The following COBLL1 variants were observed in gnomAD, a reference collection of about 807,000 sequenced individuals.
COBLL1 encodes cordon-bleu protein-like 1.
COBLL1 carries 50 observed loss-of-function variants against 94.8 expected under a neutral mutation model. The observed-to-expected ratio is 0.53, with a 90% CI of 0.42 to 0.67. The LOEUF is 0.67. Ranked by LOEUF, COBLL1 falls within the 30% of genes least tolerant of loss-of-function variation. COBLL1 has a pLI of 0.00. For synonymous variants in COBLL1, 448 were observed against 473.8 expected (o/e 0.95, Z 0.71); for missense variants, 1,362 against 1,348.7 (o/e 1.01, Z -0.15).
Position 164,819,989 on chromosome 2 carries a change from CTT to C in COBLL1, c.41+21165_41+21166del, listed in dbSNP as rs143956749. 4.1e-3 allele frequency among the ~76,000 whole-genome samples: 561 copies of C among 137,860 alleles called. 2 individuals are homozygous for C. Among genetic ancestry groups the C allele is most frequent in the Middle Eastern group, 0.015 (4 of 262 alleles). The allele number at this position is 137,860 out of a possible 152,430, so 90.4% of individuals were successfully genotyped here. A position where few individuals can be genotyped will look rare whatever the true frequency, so the allele number is the denominator to read the frequency against. ...TACAGGCATCTGCCACCATACCTGGCTTTTTTTTTTTTTTTTTAATTTTTAGT... is the reference window on the plus strand; with the variant it reads ...TACAGGCATCTGCCACCATACCTGGCTTTTTTTTTTTTTTTAATTTTTAGT... On this transcript the variant is annotated intron_variant, in intron 2 of 13. Coordinates refer to ENST00000652658, the MANE Select transcript of COBLL1 (RefSeq NM_001365672.2).
chr2:164,743,560 C>A (rs1686704182), intron 3 of COBLL1, 127 bp downstream of exon 3: 2 of 705,398 alleles, frequency 2.8e-6, no homozygotes, highest in Non-Finnish European at 4.7e-6. Flanking sequence ...TTTTTTTTAA[C>A]AGGTAACTAA....
In COBLL1 at chr2:164,680,970, A is replaced by T. The variant is rs1683013161; in HGVS notation, c.*4976T>A. 6.6e-6 allele frequency: 1 copy of T among 152,126 alleles called. No individual in the cohort carries two copies. Among genetic ancestry groups the T allele is most frequent in the Non-Finnish European group, 1.5e-5 (1 of 68,018 alleles). The allele number at this position is 152,126 out of a possible 1,614,324, so 9.4% of individuals were successfully genotyped here. On this transcript the variant is annotated 3_prime_UTR_variant, in exon 14 of 14. Coordinates refer to ENST00000652658, the MANE Select transcript of COBLL1 (RefSeq NM_001365672.2). ...ACTTTTGCACTACGACTAAGAAAAA[A>T]AATATTTAGAATTGCTTTTAACTGG...
intron 11 of COBLL1, chr2:164,697,654 C>A (rs1413182239): frequency 6.6e-6 from 1 of 152,044 alleles, no homozygotes. Flanking sequence ...CGTTTAAAAA[C>A]CCTAATTTAT....
rs1370743478 is a variant in COBLL1, at chr2:164,841,167, G to A, written c.30C>T (p.Asp10=). Residue 10 remains aspartate, a synonymous_variant, in exon 2 of 14, where the codon GAC becomes GAT. Coordinates refer to ENST00000652658, the MANE Select transcript of COBLL1 (RefSeq NM_001365672.2). This position sits in a 1 kb window ranked among gnomAD's most constrained non-coding sequence, Gnocchi z 5.5. MDGRTPRPQ[D]APARRKPKAK... ...CGCTCTGGGCTTACCTGGCTGGGGC[G>A]TCCTGCGGGCGCGGGGTTCGGCCGT... The A allele has an allele frequency of 4.1e-6, 5 of 1,231,358 alleles. No individual in the cohort carries two copies. The highest frequency in any genetic ancestry group is 5.1e-6 in the Non-Finnish European group (5 of 988,126). The allele number at this position is 1,231,358 out of a possible 1,614,324, so 76.3% of individuals were successfully genotyped here.
intron 2 of COBLL1, among the ~76,000 whole-genome samples, chr2:164,827,612 T>C (rs1025881669): frequency 2.6e-5 from 4 of 152,220 alleles, no homozygotes; most frequent in African/African-American, 9.6e-5. Flanking sequence ...AAAAGACTAA[T>C]GTCCTCTACC....
chr2:164,800,472 T>C, intron 2 of COBLL1: 1 of 679,034 alleles, frequency 1.5e-6, no homozygotes. Context: ...CTTGGTGGAA[T>C]GCAAAATGGT....
chr2:164,700,185 T>A (rs1259047061), intron 10 of COBLL1, among the ~76,000 whole-genome samples: 1 of 152,132 alleles, frequency 6.6e-6, no homozygotes, highest in Non-Finnish European at 1.5e-5. Context: ...CCAGGAATAC[T>A]TGGTAAAAAT....
At position 164,682,963 on chromosome 2, in the gene COBLL1, T is replaced by C. The variant is rs558823462; in HGVS notation, c.*2983A>G. On this transcript the variant is annotated 3_prime_UTR_variant, in exon 14 of 14. Transcript: ENST00000652658. The stretch of plus-strand genomic sequence containing the variant: ...CTGGTATAAAAGGCAAGTTGTTACA[T>C]AGTATTAGAGTGTGACCTCCTTTCA... 2.0e-5 allele frequency: 3 copies of C among 151,340 alleles called. No homozygotes were observed. Among genetic ancestry groups the C allele is most frequent in the African/African-American group, 4.9e-5 (2 of 41,216 alleles). 9.4% of individuals were successfully genotyped at this position (151,340 alleles called of 1,614,324 possible).
chr2:164,744,900 T>C (rs1686789514), intron 2 of COBLL1, among the ~76,000 whole-genome samples: 1 of 152,192 alleles, frequency 6.6e-6, no homozygotes, highest in Non-Finnish European at 1.5e-5. Context: ...ATCCAATGAT[T>C]TGATGGATTG....
At chr2:164,701,034 A>T (rs1040444642) in intron 9 of COBLL1, among the ~76,000 whole-genome samples, 1 of 152,232 alleles carries the variant, frequency 6.6e-6, no homozygotes, top group African/African-American at 2.4e-5. Context: ...TAAGTTAAAT[A>T]TTTCATTTAA....
intron 9 of COBLL1, among the ~76,000 whole-genome samples, chr2:164,702,140 A>T (rs1351988206): frequency 6.6e-6 from 1 of 152,168 alleles, no homozygotes; most frequent in Non-Finnish European, 1.5e-5. Flanking sequence ...AAAATATTTT[A>T]AAATTTAGGT....
At chr2:164,717,044 T>C (rs983466248) in intron 7 of COBLL1, among the ~76,000 whole-genome samples, 1 of 152,208 alleles carries the variant, frequency 6.6e-6, no homozygotes, top group Non-Finnish European at 1.5e-5. Flanking sequence ...TGTCATGTGT[T>C]ACTGACATTT....
intron 2 of COBLL1, among the ~76,000 whole-genome samples, chr2:164,837,241 AT>A (rs530971508): frequency 3.8e-4 from 56 of 148,754 alleles, no homozygotes; most frequent in East Asian, 1.8e-3. Flanking sequence ...ATTTCGAAGG[AT>A]TTTTTTTTTT....
chr2:164,700,738 T>A lies in COBLL1; in HGVS notation c.1244A>T (p.Tyr415Phe). The A allele has an allele frequency of 6.2e-7, 1 of 1,602,602 alleles. No individual in the cohort carries two copies. Among genetic ancestry groups the A allele is most frequent in the Non-Finnish European group, 8.5e-7 (1 of 1,170,722 alleles). ...CTTTTCATCTATCTCTTCAAGGCTA[T>A]AATCAGAGCTTATTCCAGCTACAAA... ...LSSPAGISSD[Y>F]SLEEIDEKEE... Residue 415 changes from tyrosine (Y) to phenylalanine (F), a missense_variant, in exon 10 of 14, where the codon TAT becomes TTT. Coordinates refer to ENST00000652658, the MANE Select transcript of COBLL1 (RefSeq NM_001365672.2).
intron 2 of COBLL1, among the ~76,000 whole-genome samples, chr2:164,822,282 CAACAAAGGT>C (rs1449394345): frequency 6.6e-6 from 1 of 152,134 alleles, no homozygotes; most frequent in Non-Finnish European, 1.5e-5. Context: ...ACGTTTAAGG[CAACAAAGGT>C]AACTGCTAGA....
At chr2:164,731,624 C>T (rs936167431) in intron 3 of COBLL1, among the ~76,000 whole-genome samples, 3 of 152,152 alleles carry the variant, frequency 2.0e-5, no homozygotes, top group African/African-American at 7.2e-5. Flanking sequence ...CGTATTTTTA[C>T]AGATGGAGGC....
intron 2 of COBLL1, among the ~76,000 whole-genome samples, chr2:164,805,329 C>CTATATATA (rs1412509415): frequency 2.6e-3 from 58 of 22,644 alleles, no homozygotes; most frequent in Admixed American, 3.6e-3. Context: ...CTCTCTCTCT[C>CTATATATA]TCTCTCTCTA....
At chr2:164,840,789 C>T in intron 2 of COBLL1, 1 of 199,660 alleles carries the variant, frequency 5.0e-6, no homozygotes, top group Non-Finnish European at 1.0e-5. Flanking sequence ...ACCAAGGAAA[C>T]TTTTGCCCTC....
chr2:164,687,539 C>A (rs1275025094), intron 13 of COBLL1: 5 of 1,295,708 alleles, frequency 3.9e-6, no homozygotes, highest in South Asian at 1.2e-5. Context: ...CCAATGTGAC[C>A]CCTGACCACA....
Sources: gnomAD v4.1 joint callset for allele counts (sites outside exome capture counted in the v4.1 genomes callset) on GRCh38, gnomAD v4.1.1 for gene constraint, Gnocchi (gnomAD v3.1) non-coding constraint, MANE v1.5 for transcripts, NCBI Gene and HGNC (gene_info 2026-07-23, HGNC 2026-07-21) for gene names.